The following SLC22A15 variants were observed in gnomAD, a reference collection of about 807,000 sequenced individuals.
SLC22A15 encodes solute carrier family 22 member 15, also known as flipt 1.
SLC22A15 carries 45 observed loss-of-function variants against 62.7 expected under a neutral mutation model. That is an observed-to-expected ratio of 0.72 (90% CI 0.56 to 0.92). The LOEUF (loss-of-function observed/expected upper bound fraction) is 0.92. Ranked by LOEUF, SLC22A15 falls within the 40% of genes least tolerant of loss-of-function variation. SLC22A15 has a pLI of 0.00. For synonymous variants in SLC22A15, 264 were observed against 267.0 expected, an observed-to-expected ratio of 0.99 and a Z score of 0.11; for missense variants, 622 against 665.6, an observed-to-expected ratio of 0.93 and a Z score of 0.72.
At chr1:115,999,276 T>G (rs933473181) in intron 2 of SLC22A15, among the ~76,000 whole-genome samples, 2 of 152,214 alleles carry the variant, frequency 1.3e-5, no homozygotes, top group Non-Finnish European at 2.9e-5. Flanking sequence ...GATGAAATGT[T>G]TTGTAAATAT....
intron 2 of SLC22A15, among the ~76,000 whole-genome samples, chr1:116,012,780 G>A (rs1656336314): frequency 6.6e-6 from 1 of 152,124 alleles, no homozygotes; most frequent in Admixed American, 6.6e-5. Flanking sequence ...ACTTTATGAT[G>A]GTGCAAAAGT....
In SLC22A15 at chr1:115,976,569, G is replaced by A; in HGVS notation, c.-59G>A. ...GGGCGCCCAGGGGTTGCCGCGCTGG[G>A]CGGGAGGGCAGCGCCTGAGAGGGCG... On this transcript the variant is annotated 5_prime_UTR_variant, in exon 1 of 12. Coordinates refer to ENST00000369503, the MANE Select transcript of SLC22A15 (RefSeq NM_018420.3). 1 of 1,361,964 alleles carries A rather than the reference G, an allele frequency of 7.3e-7. No individual in the cohort carries two copies. The highest frequency in any genetic ancestry group is 1.0e-6 in the Non-Finnish European group (1 of 997,884). 84.4% of individuals were successfully genotyped at this position (1,361,964 alleles called of 1,614,324 possible).
chr1:116,007,180 T>A (rs1325871770), intron 2 of SLC22A15, among the ~76,000 whole-genome samples: 2 of 152,194 alleles, frequency 1.3e-5, no homozygotes, highest in South Asian at 2.1e-4. Context: ...GTGCAAATAG[T>A]GACCCTCAGT....
At chr1:116,017,296 G>A (rs1044651166) in intron 2 of SLC22A15, among the ~76,000 whole-genome samples, 9 of 150,728 alleles carry the variant, frequency 6.0e-5, no homozygotes, top group African/African-American at 2.0e-4. Context: ...GTTTGAGGCT[G>A]GGGAGTCAAG....
chr1:115,981,413 T>C (rs1387188723), intron 1 of SLC22A15, among the ~76,000 whole-genome samples: 1 of 152,186 alleles, frequency 6.6e-6, no homozygotes, highest in African/African-American at 2.4e-5. Context: ...CCTCACACAG[T>C]GGCCTGGAGG....
intron 8 of SLC22A15, among the ~76,000 whole-genome samples, chr1:116,057,719 A>G (rs1426218736): frequency 6.6e-6 from 1 of 152,238 alleles, no homozygotes; most frequent in African/African-American, 2.4e-5. Flanking sequence ...ATGGAATACT[A>G]TACAGCCATA....
intron 1 of SLC22A15, among the ~76,000 whole-genome samples, chr1:115,981,854 C>T (rs998179967): frequency 1.3e-5 from 2 of 152,160 alleles, no homozygotes; most frequent in East Asian, 3.8e-4. Context: ...CAAAAATAGT[C>T]ATTAAAGTCA....
Position 116,015,894 on chromosome 1 carries a change from TATCTC to T in SLC22A15, c.301-3685_301-3681del, listed in dbSNP as rs1163012021. Among the ~76,000 whole-genome samples the T allele has an allele frequency of 2.0e-5, 3 of 152,202 alleles. No homozygotes were observed. The East Asian group carries it at 5.8e-4, about 29-fold the overall frequency. On this transcript the variant is annotated intron_variant, in intron 2 of 11. Coordinates refer to ENST00000369503, the MANE Select transcript of SLC22A15 (RefSeq NM_018420.3). ...TCCTGTCTTTTCTAGGACAACCTGATATCTCATATTGATTTATTTTTAGACCTGGT... is the reference window on the plus strand; with the variant it reads ...TCCTGTCTTTTCTAGGACAACCTGATATATTGATTTATTTTTAGACCTGGT...
At chr1:116,019,232 C>G (rs186052134) in intron 2 of SLC22A15, among the ~76,000 whole-genome samples, 5 of 152,312 alleles carry the variant, frequency 3.3e-5, no homozygotes, top group African/African-American at 1.2e-4. Flanking sequence ...TATTAGGCAT[C>G]AGAGAATGGA....
intron 1 of SLC22A15, among the ~76,000 whole-genome samples, chr1:115,985,677 G>A (rs1001345232): frequency 5.9e-5 from 9 of 151,806 alleles, no homozygotes; most frequent in African/African-American, 1.9e-4. Context: ...GGCCGGGCGC[G>A]GTGGCTCATG....
intron 3 of SLC22A15, among the ~76,000 whole-genome samples, 175 bp from the exon 4 acceptor site, chr1:116,020,546 A>G (rs1656772969): frequency 4.7e-5 from 7 of 150,074 alleles, no homozygotes; most frequent in Admixed American, 4.7e-4. Flanking sequence ...ACAGAGCGAG[A>G]CTCCATCTCA....
At chr1:116,003,023 A>G (rs543888717) in intron 2 of SLC22A15, among the ~76,000 whole-genome samples, 1 of 152,140 alleles carries the variant, frequency 6.6e-6, no homozygotes, top group Admixed American at 6.5e-5. Flanking sequence ...TACCACTGGT[A>G]TTTATTCTAT....
At chr1:116,041,197 A>G (rs1204815342) in intron 8 of SLC22A15, among the ~76,000 whole-genome samples, 1 of 152,066 alleles carries the variant, frequency 6.6e-6, no homozygotes, top group Non-Finnish European at 1.5e-5. Flanking sequence ...TTCATATCTC[A>G]TTTCTTTTCC....
chr1:115,987,883 A>G (rs1352303427), intron 1 of SLC22A15, among the ~76,000 whole-genome samples: 1 of 152,202 alleles, frequency 6.6e-6, no homozygotes, highest in African/African-American at 2.4e-5. Context: ...TTTCCTACTT[A>G]AAAAAATAAA....
chr1:116,045,009 T>C (rs1221338823), intron 8 of SLC22A15, among the ~76,000 whole-genome samples: 1 of 152,204 alleles, frequency 6.6e-6, no homozygotes, highest in East Asian at 1.9e-4. Context: ...TCCATCAGTC[T>C]TCTTTTGGTG....
chr1:116,068,784 G>T lies in SLC22A15; in HGVS notation c.*1676G>T, dbSNP rs184309906. 17 of 152,192 alleles carry T rather than the reference G, an allele frequency of 1.1e-4. No individual in the cohort carries two copies. The highest frequency in any genetic ancestry group is 4.1e-4 in the African/African-American group (17 of 41,530). 9.4% of individuals were successfully genotyped at this position (152,192 alleles called of 1,614,324 possible). A position where few individuals can be genotyped will look rare whatever the true frequency, so the allele number is the denominator to read the frequency against. On this transcript the variant is annotated 3_prime_UTR_variant, in exon 12 of 12. Transcript: ENST00000369503. ...CCTGCTTAACTTTCTCTGGAAAATA[G>T]ACCCCTTCTCAACATCAGAATAGGA... is the stretch of plus-strand genomic sequence containing the variant.
chr1:116,032,701 G>A (rs1041726890), intron 6 of SLC22A15: 28 of 939,696 alleles, frequency 3.0e-5, no homozygotes, highest in Non-Finnish European at 3.4e-5. Context: ...GAGGCTTGGA[G>A]GCATGGAGAT....
intron 4 of SLC22A15, among the ~76,000 whole-genome samples, chr1:116,024,514 A>G (rs143982635): frequency 8.8e-4 from 134 of 152,354 alleles, no homozygotes; most frequent in African/African-American, 3.0e-3. Flanking sequence ...GATACTCCAG[A>G]AAAGATGACT....
rs1431376219 is a variant in SLC22A15 at position 116,070,014 on chromosome 1, T to A, written c.*2906T>A. On this transcript the variant is annotated 3_prime_UTR_variant, in exon 12 of 12. Coordinates refer to ENST00000369503, the MANE Select transcript of SLC22A15 (RefSeq NM_018420.3). ...TTTTAAGCTAAATAAAATGCAGATATTTTGGCTTCTTGTGAATGTAATAAA... is the reference window on the plus strand; with the variant it reads ...TTTTAAGCTAAATAAAATGCAGATAATTTGGCTTCTTGTGAATGTAATAAA... 6.6e-6 allele frequency: 1 copy of A among 152,206 alleles called. No individual in the cohort carries two copies. Among genetic ancestry groups the A allele is most frequent in the Non-Finnish European group, 1.5e-5 (1 of 68,030 alleles). The allele number at this position is 152,206 out of a possible 1,614,324, so 9.4% of individuals were successfully genotyped here.
Sources: allele counts gnomAD v4.1 joint callset (sites outside exome capture counted in the v4.1 genomes callset), GRCh38; gene constraint gnomAD v4.1.1; transcripts MANE v1.5; gene names NCBI Gene and HGNC (gene_info 2026-07-23, HGNC 2026-07-21).